Variants in ZHX2 observed in about 807,000 individuals in gnomAD.
The protein encoded by ZHX2 is zinc fingers and homeoboxes protein 2.
Under a neutral mutation model 21.9 loss-of-function variants are expected in ZHX2, and 6 were observed. That is an observed-to-expected ratio of 0.27 (90% CI 0.15 to 0.54). The LOEUF (loss-of-function observed/expected upper bound fraction) is 0.54. Ranked by LOEUF, ZHX2 falls within the 20% of genes least tolerant of loss-of-function variation. The pLI, the probability that ZHX2 is intolerant of heterozygous loss-of-function variation, is 0.95. For missense variants in ZHX2, 908 were observed against 1,090.7 expected (o/e 0.83, Z 2.36); for synonymous variants, 434 against 437.1 (o/e 0.99, Z 0.09).
At chr8:122,932,432 C>G (rs1376879303) in intron 2 of ZHX2, among the ~76,000 whole-genome samples, 1 of 152,202 alleles carries the variant, frequency 6.6e-6, no homozygotes, top group Non-Finnish European at 1.5e-5. Flanking sequence ...CCTTCTCCGG[C>G]CTCTGGTGTC....
At chr8:122,932,152 G>C (rs960208911) in intron 2 of ZHX2, among the ~76,000 whole-genome samples, 1 of 152,202 alleles carries the variant, frequency 6.6e-6, no homozygotes, top group African/African-American at 2.4e-5. Context: ...GAGCAGCTCA[G>C]CTTCTCCAGG....
chr8:122,902,501 A>G (rs1053762103), intron 2 of ZHX2, among the ~76,000 whole-genome samples: 3 of 152,220 alleles, frequency 2.0e-5, no homozygotes, highest in African/African-American at 7.2e-5. Context: ...GTACAAATTT[A>G]TATACATAAG....
chr8:122,787,820 T>A (rs978806829), intron 1 of ZHX2, among the ~76,000 whole-genome samples: 2 of 152,208 alleles, frequency 1.3e-5, no homozygotes, highest in African/African-American at 4.8e-5. Flanking sequence ...CTGCAGCTGC[T>A]GGGCTCAAAA....
chr8:122,864,604 A>T (rs551012303), intron 2 of ZHX2, among the ~76,000 whole-genome samples: 1 of 152,206 alleles, frequency 6.6e-6, no homozygotes, highest in South Asian at 2.1e-4. Context: ...CAAGAGGAAA[A>T]GGCATGGGGG....
At chr8:122,881,417 G>T (rs1297703193) in intron 2 of ZHX2, among the ~76,000 whole-genome samples, 2 of 152,186 alleles carry the variant, frequency 1.3e-5, no homozygotes, top group Non-Finnish European at 2.9e-5. Context: ...TGACTTCTCT[G>T]TGCCTCCATT....
chr8:122,814,181 G>C (rs1817984143), intron 1 of ZHX2, among the ~76,000 whole-genome samples: 1 of 152,164 alleles, frequency 6.6e-6, no homozygotes, highest in Non-Finnish European at 1.5e-5. Context: ...CATGCATAAA[G>C]AGCCAAGGCA....
At chr8:122,863,031 G>A (rs549540995) in intron 1 of ZHX2, among the ~76,000 whole-genome samples, 8 of 152,286 alleles carry the variant, frequency 5.3e-5, no homozygotes, top group African/African-American at 1.9e-4. Context: ...GGGGGCTTTT[G>A]TTTTAAGGAC....
chr8:122,895,698 A>G (rs1490582024), intron 2 of ZHX2, among the ~76,000 whole-genome samples: 1 of 151,832 alleles, frequency 6.6e-6, no homozygotes, highest in Non-Finnish European at 1.5e-5. Flanking sequence ...CTTGCTCTTT[A>G]GACATCTGCA....
At chr8:122,929,405 G>A (rs899740446) in intron 2 of ZHX2, among the ~76,000 whole-genome samples, 2 of 152,196 alleles carry the variant, frequency 1.3e-5, no homozygotes, top group Non-Finnish European at 2.9e-5. Context: ...CACTTTGGGA[G>A]GCCAAGGCGG....
chr8:122,798,289 C>T (rs752202457), intron 1 of ZHX2, among the ~76,000 whole-genome samples: 6 of 152,234 alleles, frequency 3.9e-5, no homozygotes, highest in Non-Finnish European at 8.8e-5. Context: ...ATGTGTCAGG[C>T]ACCATGCTGA....
intron 2 of ZHX2, among the ~76,000 whole-genome samples, chr8:122,932,160 A>G (rs7001245): frequency 0.56 from 84,409 of 151,988 alleles, 23,745 homozygotes; most frequent in Admixed American, 0.61. Context: ...CAGCTTCTCC[A>G]GGGCTGCTGG....
intron 2 of ZHX2, among the ~76,000 whole-genome samples, chr8:122,936,537 T>A (rs924671487): frequency 6.6e-6 from 1 of 152,212 alleles, no homozygotes; most frequent in Admixed American, 6.5e-5. Flanking sequence ...AGGAAAAGGC[T>A]GAGAACTGCT....
At chr8:122,912,292 A>C (rs1045597299) in intron 2 of ZHX2, among the ~76,000 whole-genome samples, 5 of 152,250 alleles carry the variant, frequency 3.3e-5, no homozygotes, top group Non-Finnish European at 5.9e-5. Flanking sequence ...CCAGACAAAA[A>C]GAAAATACCA....
At chr8:122,947,822 G>A (rs1813015832) in intron 2 of ZHX2, among the ~76,000 whole-genome samples, 1 of 151,948 alleles carries the variant, frequency 6.6e-6, no homozygotes, top group Non-Finnish European at 1.5e-5. Flanking sequence ...GGCGGGAGAG[G>A]GGAGCCGGGG....
At chr8:122,819,734 C>T (rs528181608) in intron 1 of ZHX2, among the ~76,000 whole-genome samples, 66 of 152,366 alleles carry the variant, frequency 4.3e-4, no homozygotes, top group African/African-American at 1.5e-3. Flanking sequence ...TGACGAGAGC[C>T]CAGACTGGGC....
intron 1 of ZHX2, among the ~76,000 whole-genome samples, chr8:122,848,398 T>C (rs1818804655): frequency 6.6e-6 from 1 of 152,184 alleles, no homozygotes; most frequent in Non-Finnish European, 1.5e-5. Flanking sequence ...TGCAAATTAG[T>C]TTCAGCCCAG....
In ZHX2 at chr8:122,839,684, C is replaced by G. The variant is rs561591504; in HGVS notation, c.-282-23793C>G. Among the ~76,000 whole-genome samples, 6 of 152,256 alleles carry G rather than the reference C, an allele frequency of 3.9e-5. No individual in the cohort carries two copies. In the East Asian group the frequency reaches 1.2e-3, roughly 29 times the overall value. On this transcript the variant is annotated intron_variant, in intron 1 of 3. Transcript: ENST00000314393. ...CAGAAATCACTGCAAGTTGTACAGT[C>G]CCCAGGATATGGTGGCACGGGGTGG...
chr8:122,928,420 A>C, intron 2 of ZHX2, among the ~76,000 whole-genome samples: 1 of 152,190 alleles, frequency 6.6e-6, no homozygotes, highest in East Asian at 1.9e-4. Flanking sequence ...AGGGGGCAGA[A>C]TGTTCAGGGA....
intron 2 of ZHX2, among the ~76,000 whole-genome samples, chr8:122,928,772 T>C (rs1161424528): frequency 6.6e-6 from 1 of 152,138 alleles, no homozygotes; most frequent in African/African-American, 2.4e-5. Context: ...CCTCACACCC[T>C]GGGCCAACGG....
Sources: allele counts gnomAD v4.1 joint callset (sites outside exome capture counted in the v4.1 genomes callset), GRCh38; gene constraint gnomAD v4.1.1; transcripts MANE v1.5; gene names NCBI Gene and HGNC (gene_info 2026-07-23, HGNC 2026-07-21).